EMC8: variants seen among roughly 807,000 people sequenced by gnomAD.
EMC8 encodes ER membrane protein complex subunit 8.
In EMC8, 11 loss-of-function variants were observed where a neutral mutation model predicts 24.3. The observed-to-expected ratio is 0.45, with a 90% CI of 0.28 to 0.75. The LOEUF (loss-of-function observed/expected upper bound fraction) is 0.75, where lower values mean the gene tolerates loss of function less well. Among genes scored for constraint, EMC8 ranks in the 30% least tolerant of loss-of-function variants. EMC8 has a pLI of 0.12. For synonymous variants in EMC8, 145 were observed against 117.7 expected (o/e 1.23, Z -1.50); for missense variants, 277 against 282.7 (o/e 0.98, Z 0.14).
At chr16:85,780,613 T>C in intron 3 of EMC8, 140 bp from the exon 4 acceptor site, 1 of 642,342 alleles carries the variant, frequency 1.6e-6, no homozygotes, top group Non-Finnish European at 2.8e-6. Flanking sequence ...GTATGCAGAG[T>C]GGCGCGAGTG....
intron 1 of EMC8, among the ~76,000 whole-genome samples, chr16:85,791,757 G>A (rs941802736): frequency 5.5e-4 from 84 of 152,090 alleles, no homozygotes; most frequent in African/African-American, 1.9e-3. Flanking sequence ...ACATCACTCT[G>A]ACCTCTGCTT....
intron 2 of EMC8, among the ~76,000 whole-genome samples, chr16:85,787,061 C>A (rs945113490): frequency 8.5e-5 from 13 of 152,288 alleles, no homozygotes; most frequent in African/African-American, 2.9e-4. Context: ...ACCTTCCTGC[C>A]AAGGGTGCTC....
In EMC8 at chr16:85,779,200, C is replaced by A; in HGVS notation, c.*508G>T. The A allele has an allele frequency of 6.4e-6, 1 of 155,228 alleles. No homozygotes were observed. Among genetic ancestry groups the A allele is most frequent in the Admixed American group, 6.3e-5 (1 of 15,820 alleles). The allele number at this position is 155,228 out of a possible 1,614,324, so 9.6% of individuals were successfully genotyped here. On this transcript the variant is annotated 3_prime_UTR_variant, in exon 5 of 5. Coordinates refer to ENST00000253457, the MANE Select transcript of EMC8 (RefSeq NM_006067.5). ...CCAGCCTACCTGACCACAGAAACAC[C>A]CACACAGAGCTTCTCAAACAGCTCA... is the stretch of plus-strand genomic sequence containing the variant.
chr16:85,783,462 G>C (rs1037605420), intron 2 of EMC8, among the ~76,000 whole-genome samples: 2 of 152,160 alleles, frequency 1.3e-5, no homozygotes, highest in African/African-American at 4.8e-5. Flanking sequence ...CTCAGCTTAG[G>C]CTCTTCTTAT....
intron 2 of EMC8, among the ~76,000 whole-genome samples, chr16:85,786,125 A>G (rs1363449668): frequency 6.6e-6 from 1 of 152,186 alleles, no homozygotes; most frequent in Admixed American, 6.5e-5. Flanking sequence ...ACACTGCGCA[A>G]TTTCATTCTG....
At chr16:85,791,449 C>T (rs1405722860) in intron 1 of EMC8, among the ~76,000 whole-genome samples, 1 of 152,186 alleles carries the variant, frequency 6.6e-6, no homozygotes, top group African/African-American at 2.4e-5. Context: ...AGCTATTTGT[C>T]CTGATGCTCT....
At chr16:85,782,302 C>T (rs1284213790) in intron 2 of EMC8, among the ~76,000 whole-genome samples, 1 of 152,206 alleles carries the variant, frequency 6.6e-6, no homozygotes, top group Non-Finnish European at 1.5e-5. Flanking sequence ...TCATGAGCCT[C>T]CACTGCTGGC....
chr16:85,790,197 T>G (rs577008156), intron 1 of EMC8, among the ~76,000 whole-genome samples: 1 of 152,224 alleles, frequency 6.6e-6, no homozygotes, highest in East Asian at 1.9e-4. Context: ...TGGATGTGTG[T>G]GTTTTTTAAA....
At chr16:85,794,548 G>T (rs1414479103) in intron 1 of EMC8, among the ~76,000 whole-genome samples, 1 of 152,162 alleles carries the variant, frequency 6.6e-6, no homozygotes, top group Admixed American at 6.5e-5. Context: ...AATCAGCCGT[G>T]CGTGGCGGTG....
intron 1 of EMC8, among the ~76,000 whole-genome samples, chr16:85,793,502 C>A (rs1341402522): frequency 6.6e-6 from 1 of 152,108 alleles, no homozygotes; most frequent in East Asian, 1.9e-4. Context: ...GGGAAGAACT[C>A]AAAGGGGGAA....
intron 1 of EMC8, among the ~76,000 whole-genome samples, chr16:85,798,001 G>C (rs965822793): frequency 6.6e-6 from 1 of 151,630 alleles, no homozygotes; most frequent in African/African-American, 2.4e-5. Flanking sequence ...TAGTCTACCT[G>C]CATGCTACAT....
intron 3 of EMC8, chr16:85,780,944 G>T: frequency 1.9e-6 from 1 of 526,896 alleles, no homozygotes; most frequent in Non-Finnish European, 3.4e-6. Flanking sequence ...TGGGGTGGGT[G>T]CCTGGGAATT....
At chr16:85,780,693 G>A (rs1444219388) in intron 3 of EMC8, 4 of 574,078 alleles carry the variant, frequency 7.0e-6, no homozygotes, top group South Asian at 4.2e-5. Context: ...TCACAAAAGC[G>A]AAGCTTCCAA....
chr16:85,780,564 C>T, intron 3 of EMC8, 91 bp from the exon 4 acceptor site: 3 of 854,792 alleles, frequency 3.5e-6, no homozygotes, highest in Non-Finnish European at 3.8e-6. Context: ...TGCAGCCGTG[C>T]CCACGCTGGC....
intron 2 of EMC8, among the ~76,000 whole-genome samples, chr16:85,786,568 G>A (rs1904763465): frequency 6.6e-6 from 1 of 152,178 alleles, no homozygotes; most frequent in South Asian, 2.1e-4. Flanking sequence ...AGCGGGGGAG[G>A]GGGAGGTGGA....
At chr16:85,781,677 C>G (rs1204224429) in intron 2 of EMC8, 4 of 177,224 alleles carry the variant, frequency 2.3e-5, no homozygotes, top group African/African-American at 7.5e-5. Flanking sequence ...GTCTTCAACT[C>G]CTGGCCTCAA....
chr16:85,781,202 G>A lies in EMC8; in HGVS notation c.378+9C>T, dbSNP rs777565312. 2 of 1,611,006 alleles carry A rather than the reference G, an allele frequency of 1.2e-6. No homozygotes were observed. Among genetic ancestry groups the A allele is most frequent in the Middle Eastern group, 1.7e-4 (1 of 6,058 alleles). ...AGGGCCTCCCACATGCTGCACAGAA[G>A]CGACTTACCATGATGAGCGCAGTGT... On this transcript the variant is annotated intron_variant, in intron 3 of 4. Coordinates refer to ENST00000253457, the MANE Select transcript of EMC8 (RefSeq NM_006067.5).
intron 2 of EMC8, among the ~76,000 whole-genome samples, chr16:85,782,556 T>A (rs1043995300): frequency 6.6e-6 from 1 of 152,200 alleles, no homozygotes; most frequent in Admixed American, 6.5e-5. Context: ...AACAAAAGCA[T>A]TGAACCGGTT....
intron 1 of EMC8, among the ~76,000 whole-genome samples, chr16:85,795,536 G>A (rs1905213515): frequency 2.7e-5 from 1 of 37,218 alleles, no homozygotes; most frequent in African/African-American, 1.2e-4. Context: ...CCTTTCTGAC[G>A]GTGGGTCTTA....
Sources: allele counts gnomAD v4.1 joint callset (sites outside exome capture counted in the v4.1 genomes callset), GRCh38; gene constraint gnomAD v4.1.1; transcripts MANE v1.5; gene names NCBI Gene and HGNC (gene_info 2026-07-23, HGNC 2026-07-21).